Variants in KCND2 observed in about 807,000 individuals in gnomAD.
KCND2 encodes the protein A-type voltage-gated potassium channel KCND2.
Under a neutral mutation model 54.4 loss-of-function variants are expected in KCND2, and 16 were observed. The observed-to-expected ratio is 0.29, with a 90% CI of 0.20 to 0.45. KCND2 has a LOEUF of 0.45. Among genes scored for constraint, KCND2 ranks in the 20% least tolerant of loss-of-function variants. The pLI, the probability that KCND2 is intolerant of heterozygous loss-of-function variation, is 1.00. For missense variants in KCND2, 486 were observed against 824.2 expected, an observed-to-expected ratio of 0.59 and a Z score of 5.02; for synonymous variants, 317 against 310.7, an observed-to-expected ratio of 1.02 and a Z score of -0.21.
At chr7:120,706,108 T>C (rs1044494443) in intron 1 of KCND2, among the ~76,000 whole-genome samples, 9 of 152,116 alleles carry the variant, frequency 5.9e-5, no homozygotes, top group Admixed American at 3.9e-4. Context: ...GAGAGGATAG[T>C]ACCCCGACAT....
intron 1 of KCND2, among the ~76,000 whole-genome samples, chr7:120,528,162 A>G (rs1392856264): frequency 6.6e-6 from 1 of 152,178 alleles, no homozygotes. Context: ...TGATTTTCAC[A>G]GTAGTTTATA....
chr7:120,309,452 C>CAT lies in KCND2; in HGVS notation c.1115+33727_1115+33728dup, dbSNP rs61690032. On this transcript the variant is annotated intron_variant, in intron 1 of 5. Transcript: ENST00000331113. ...TAAATAGTTTAAATATAATAGAAAA[C>CAT]ATATATATATATATATATATATACA... 3.0e-3 allele frequency among the ~76,000 whole-genome samples: 208 copies of CAT among 68,268 alleles called. 5 individuals carry two copies. In the South Asian group the frequency reaches 0.052, roughly 17 times the overall value. The allele number at this position is 68,268 out of a possible 152,430, so 44.8% of individuals were successfully genotyped here.
chr7:120,323,464 A>C (rs1799925448), intron 1 of KCND2, among the ~76,000 whole-genome samples: 1 of 149,292 alleles, frequency 6.7e-6, no homozygotes. Flanking sequence ...CCACCCCACA[A>C]CAGTCCCCAG....
In KCND2 at chr7:120,274,219, ACT is replaced by A. The variant is rs963668724; in HGVS notation, c.-410_-409del. The stretch of plus-strand genomic sequence containing the variant: ...TTCGTCGAAAGAATTCTATTGGGTG[ACT>A]CTCGTTCGTCTTCTCTATCCTACAC... On this transcript the variant is annotated 5_prime_UTR_variant, in exon 1 of 6. Transcript: ENST00000331113. The A allele has an allele frequency of 4.7e-6, 1 of 214,318 alleles. No individual in the cohort carries two copies. Among genetic ancestry groups the A allele is most frequent in the Non-Finnish European group, 9.4e-6 (1 of 106,412 alleles). The allele number at this position is 214,318 out of a possible 1,614,324, so 13.3% of individuals were successfully genotyped here.
chr7:120,458,904 G>A (rs1802240628), intron 1 of KCND2, among the ~76,000 whole-genome samples: 1 of 150,676 alleles, frequency 6.6e-6, no homozygotes, highest in Non-Finnish European at 1.5e-5. Context: ...GACCAGGTAG[G>A]AAGTAATAAT....
intron 1 of KCND2, among the ~76,000 whole-genome samples, chr7:120,401,963 T>C (rs187630156): frequency 9.8e-5 from 15 of 152,290 alleles, no homozygotes; most frequent in African/African-American, 3.4e-4. Context: ...GGGCTTAATT[T>C]CTAAAAACAA....
intron 1 of KCND2, among the ~76,000 whole-genome samples, chr7:120,285,589 G>A (rs1043218223): frequency 3.3e-5 from 5 of 151,782 alleles, no homozygotes; most frequent in Non-Finnish European, 2.9e-5. Flanking sequence ...CTTAATTATG[G>A]AAATTCAAAT....
At chr7:120,565,453 T>C (rs545102661) in intron 1 of KCND2, among the ~76,000 whole-genome samples, 48 of 152,332 alleles carry the variant, frequency 3.2e-4, no homozygotes, top group African/African-American at 1.0e-3. Flanking sequence ...GTAAAGGGAA[T>C]GATGGCAAGG....
chr7:120,736,717 T>G (rs960246647), intron 2 of KCND2, among the ~76,000 whole-genome samples: 3 of 151,830 alleles, frequency 2.0e-5, no homozygotes, highest in South Asian at 2.1e-4. Flanking sequence ...CTGTTTTTTT[T>G]GTAATATTCA....
At chr7:120,509,036 C>G (rs1214757762) in intron 1 of KCND2, among the ~76,000 whole-genome samples, 3 of 151,796 alleles carry the variant, frequency 2.0e-5, no homozygotes, top group East Asian at 3.9e-4. Flanking sequence ...ATATAAACTA[C>G]CAAAATGGGA....
chr7:120,547,694 G>T (rs541004538), intron 1 of KCND2, among the ~76,000 whole-genome samples: 1 of 152,014 alleles, frequency 6.6e-6, no homozygotes, highest in Non-Finnish European at 1.5e-5. Context: ...AACTAAGAAT[G>T]ATGCTGTTCT....
intron 1 of KCND2, among the ~76,000 whole-genome samples, chr7:120,727,771 G>A (rs1792752488): frequency 6.6e-6 from 1 of 152,086 alleles, no homozygotes; most frequent in Admixed American, 6.6e-5. Flanking sequence ...GGAGCAGAAG[G>A]AAACTGGTGG....
chr7:120,579,389 G>A (rs1222620246), intron 1 of KCND2, among the ~76,000 whole-genome samples: 1 of 151,820 alleles, frequency 6.6e-6, no homozygotes, highest in Non-Finnish European at 1.5e-5. Flanking sequence ...TGGATCATGA[G>A]GTCAGGAGAT....
At chr7:120,599,997 C>A (rs971442675) in intron 1 of KCND2, among the ~76,000 whole-genome samples, 2 of 150,996 alleles carry the variant, frequency 1.3e-5, no homozygotes, top group Non-Finnish European at 3.0e-5. Context: ...GAGTTTTTAT[C>A]ATGAAAGAAA....
intron 1 of KCND2, among the ~76,000 whole-genome samples, chr7:120,584,944 AT>A (rs1444992636): frequency 6.6e-6 from 1 of 152,180 alleles, no homozygotes; most frequent in East Asian, 1.9e-4. Context: ...GGGAAACATG[AT>A]TTTTTCAGTA....
intron 1 of KCND2, among the ~76,000 whole-genome samples, chr7:120,731,455 G>T (rs547090630): frequency 4.6e-5 from 7 of 152,130 alleles, no homozygotes; most frequent in Non-Finnish European, 1.0e-4. Flanking sequence ...AAAACAGAAG[G>T]CCAGATGGCC....
intron 1 of KCND2, among the ~76,000 whole-genome samples, chr7:120,332,782 A>T (rs560353885): frequency 6.6e-6 from 1 of 152,118 alleles, no homozygotes; most frequent in South Asian, 2.1e-4. Flanking sequence ...AAAAACAAAA[A>T]TTAGATTAAT....
At chr7:120,638,348 G>A (rs143161609) in intron 1 of KCND2, among the ~76,000 whole-genome samples, 1 of 152,130 alleles carries the variant, frequency 6.6e-6, no homozygotes, top group Admixed American at 6.6e-5. Flanking sequence ...CCAACTGAGG[G>A]ATGGACAAGT....
In KCND2 at chr7:120,406,473, G is replaced by A. The variant is rs577322629; in HGVS notation, c.1115+130726G>A. On this transcript the variant is annotated intron_variant, in intron 1 of 5. Transcript: ENST00000331113. ...CCAATACTGCCCTGGGTAGACATGG[G>A]GAGAATTCAGGTCATAGAATTTAAT... Among the ~76,000 whole-genome samples, 330 of 151,990 alleles carry A rather than the reference G, an allele frequency of 2.2e-3. 1 individual carries two copies. The highest frequency in any genetic ancestry group is 7.6e-3 in the African/African-American group (315 of 41,496).
Sources: allele counts gnomAD v4.1 joint callset (sites outside exome capture counted in the v4.1 genomes callset), GRCh38; gene constraint gnomAD v4.1.1; transcripts MANE v1.5; gene names NCBI Gene and HGNC (gene_info 2026-07-23, HGNC 2026-07-21).